Variants in KLF15 observed in about 807,000 individuals in gnomAD.
The protein encoded by KLF15 is KLF transcription factor 15.
KLF15 carries 4 observed loss-of-function variants against 24.6 expected under a neutral mutation model. The observed-to-expected ratio is 0.16, with a 90% CI of 0.08 to 0.37. The LOEUF is 0.37. KLF15 is among the 10% of genes least tolerant of loss of function. The probability of loss-of-function intolerance (pLI) is 1.00; values close to 1 mark genes in which losing one functional copy is unlikely to be tolerated. For synonymous variants in KLF15, 246 were observed against 236.3 expected, an observed-to-expected ratio of 1.04 and a Z score of -0.37; for missense variants, 496 against 560.6, an observed-to-expected ratio of 0.88 and a Z score of 1.16.
the KLF15 span, among the ~76,000 whole-genome samples, chr3:126,311,600 T>G: frequency 6.6e-6 from 1 of 152,176 alleles, no homozygotes; most frequent in Non-Finnish European, 1.5e-5. Flanking sequence ...GCCAGCTCAC[T>G]CACAAGCTAC....
At position 126,343,460 on chromosome 3, in the gene KLF15, G is replaced by A. The variant is rs1490206616; in HGVS notation, c.*267C>T. 2.9e-5 allele frequency: 11 copies of A among 373,672 alleles called. No individual in the cohort carries two copies. In the East Asian group the frequency reaches 5.3e-4, roughly 18 times the overall value. The allele number at this position is 373,672 out of a possible 1,614,324, so 23.1% of individuals were successfully genotyped here. ...GCTGCAGCAGAGGCCTGGCCACCGC[G>A]GGAAGGCACGAAGGCACGAAGGCAC... On this transcript the variant is annotated 3_prime_UTR_variant, in exon 3 of 3. Coordinates refer to ENST00000296233, the MANE Select transcript of KLF15 (RefSeq NM_014079.4).
At chr3:126,349,756 A>T (rs916493175) in intron 2 of KLF15, among the ~76,000 whole-genome samples, 1 of 152,152 alleles carries the variant, frequency 6.6e-6, no homozygotes, top group Non-Finnish European at 1.5e-5. Flanking sequence ...CCTGAGCCCG[A>T]CTAAGGAGTC....
At chr3:126,290,506 A>T in the KLF15 span, among the ~76,000 whole-genome samples, 267 of 144,714 alleles carry the variant, frequency 1.8e-3, 1 homozygote, top group Middle Eastern at 6.9e-3. Flanking sequence ...CTTCCTTCCT[A>T]CCTTCCTTCC....
At chr3:126,328,704 CTCTT>C in the KLF15 span, among the ~76,000 whole-genome samples, 1 of 152,176 alleles carries the variant, frequency 6.6e-6, no homozygotes, top group African/African-American at 2.4e-5. Flanking sequence ...ATGAGAGTAA[CTCTT>C]TCCCCCATGC....
At chr3:126,333,838 A>C in the KLF15 span, among the ~76,000 whole-genome samples, 3 of 144,136 alleles carry the variant, frequency 2.1e-5, no homozygotes, top group Non-Finnish European at 3.1e-5. Flanking sequence ...CCATTACATA[A>C]TGGTAAAGGG....
In KLF15 at chr3:126,352,896, G is replaced by A. The variant is rs761604769; in HGVS notation, c.27C>T (p.Asp9=). The A allele has an allele frequency of 4.3e-5, 70 of 1,609,564 alleles. No individual in the cohort carries two copies. Among genetic ancestry groups the A allele is most frequent in the African/African-American group, 5.3e-5 (4 of 74,896 alleles). ...GGCATTTTGGCGACGAGAAGTTCTCGTCCACTGGAAGTAAGTGGTCCACCA... is the reference window on the plus strand; with the variant it reads ...GGCATTTTGGCGACGAGAAGTTCTCATCCACTGGAAGTAAGTGGTCCACCA... MVDHLLPV[D]ENFSSPKCPV... The change falls in exon 2 of 3, where the codon GAC becomes GAT. Residue 9 remains aspartate, a synonymous_variant. Coordinates refer to ENST00000296233, the MANE Select transcript of KLF15 (RefSeq NM_014079.4).
the KLF15 span, among the ~76,000 whole-genome samples, chr3:126,323,447 T>A: frequency 3.4e-4 from 18 of 52,214 alleles, no homozygotes; most frequent in African/African-American, 1.2e-3. Flanking sequence ...CATATATATG[T>A]TATATATATA....
At chr3:126,330,296 A>G in the KLF15 span, among the ~76,000 whole-genome samples, 1 of 152,184 alleles carries the variant, frequency 6.6e-6, no homozygotes, top group Non-Finnish European at 1.5e-5. Context: ...CTAAATCAGG[A>G]CTGTTTCAGA....
chr3:126,292,740 G>A, the KLF15 span, among the ~76,000 whole-genome samples: 1 of 152,174 alleles, frequency 6.6e-6, no homozygotes, highest in Admixed American at 6.5e-5. Flanking sequence ...CCAGTGCTTA[G>A]CAGGAAGACA....
the KLF15 span, among the ~76,000 whole-genome samples, chr3:126,313,293 A>G: frequency 6.6e-6 from 1 of 152,110 alleles, no homozygotes; most frequent in Non-Finnish European, 1.5e-5. Context: ...TTGACCTCCA[A>G]CTTCCAGCCT....
At chr3:126,299,837 A>C in the KLF15 span, among the ~76,000 whole-genome samples, 1 of 151,222 alleles carries the variant, frequency 6.6e-6, no homozygotes, top group South Asian at 2.1e-4. Context: ...GAAGGCGGCC[A>C]TCTGCAAGCC....
At chr3:126,316,881 G>A in the KLF15 span, among the ~76,000 whole-genome samples, 9 of 152,260 alleles carry the variant, frequency 5.9e-5, no homozygotes, top group South Asian at 6.2e-4. Flanking sequence ...CAGGACCAGC[G>A]AGCCCTCAGG....
chr3:126,341,380 T>C (rs1362409350), downstream of KLF15, among the ~76,000 whole-genome samples: 1 of 152,204 alleles, frequency 6.6e-6, no homozygotes, highest in Non-Finnish European at 1.5e-5. Flanking sequence ...ACGTCCCATG[T>C]CATCATCCTG....
intron 2 of KLF15, 91 bp downstream of exon 2, chr3:126,351,750 T>G: frequency 1.3e-5 from 11 of 823,896 alleles, no homozygotes; most frequent in Admixed American, 2.6e-5. Context: ...CTACCTTCTG[T>G]TAATGGTGGA....
chr3:126,329,204 T>G, the KLF15 span, among the ~76,000 whole-genome samples: 1 of 152,280 alleles, frequency 6.6e-6, no homozygotes, highest in Admixed American at 6.5e-5. Context: ...TCTTATCATA[T>G]AAGTAACCTT....
At chr3:126,349,312 G>C (rs1436478388) in intron 2 of KLF15, among the ~76,000 whole-genome samples, 2 of 152,176 alleles carry the variant, frequency 1.3e-5, no homozygotes, top group African/African-American at 4.8e-5. Flanking sequence ...GGGGAAGCTG[G>C]AGGAGCCCTC....
At chr3:126,349,371 G>T (rs976134202) in intron 2 of KLF15, among the ~76,000 whole-genome samples, 3 of 152,172 alleles carry the variant, frequency 2.0e-5, no homozygotes, top group African/African-American at 7.2e-5. Flanking sequence ...TGGGGGCAGT[G>T]CCACTGTGAT....
the KLF15 span, among the ~76,000 whole-genome samples, chr3:126,301,271 G>A: frequency 6.6e-6 from 1 of 152,196 alleles, no homozygotes; most frequent in African/African-American, 2.4e-5. Context: ...AGAACATCAC[G>A]TGTTTCGCTT....
chr3:126,319,922 G>C, the KLF15 span, among the ~76,000 whole-genome samples: 1 of 152,158 alleles, frequency 6.6e-6, no homozygotes, highest in Non-Finnish European at 1.5e-5. Flanking sequence ...GCAGACCAGG[G>C]ACACAGATCA....
Sources: gnomAD v4.1 joint callset for allele counts (sites outside exome capture counted in the v4.1 genomes callset) on GRCh38, gnomAD v4.1.1 for gene constraint, MANE v1.5 for transcripts, NCBI Gene and HGNC (gene_info 2026-07-23, HGNC 2026-07-21) for gene names.